The following TRHDE variants were observed in gnomAD, a reference collection of about 807,000 sequenced individuals.
The protein encoded by TRHDE is thyrotropin-releasing hormone-degrading ectoenzyme.
Under a neutral mutation model 125.7 loss-of-function variants are expected in TRHDE, and 72 were observed. That is an observed-to-expected ratio of 0.57 (90% CI 0.47 to 0.70). The LOEUF is 0.70. Among genes scored for constraint, TRHDE ranks in the 30% least tolerant of loss-of-function variants. The pLI is 0.00. For synonymous variants in TRHDE, 509 were observed against 509.1 expected (o/e 1.00, Z 0.00); for missense variants, 1,110 against 1,327.1 (o/e 0.84, Z 2.54).
At chr12:72,138,768 G>C (rs1430214076) in intron 2 of TRHDE, among the ~76,000 whole-genome samples, 1 of 152,216 alleles carries the variant, frequency 6.6e-6, no homozygotes, top group East Asian at 1.9e-4. Flanking sequence ...AGTGCTTGTA[G>C]GTCATCTGGC....
At chr12:72,415,122 G>A (rs760754897) in intron 3 of TRHDE, among the ~76,000 whole-genome samples, 3 of 152,074 alleles carry the variant, frequency 2.0e-5, no homozygotes, top group Non-Finnish European at 2.9e-5. Flanking sequence ...AGCTCTCCAT[G>A]TGATATCATG....
At chr12:72,547,721 C>T (rs887824495) in intron 7 of TRHDE, among the ~76,000 whole-genome samples, 1 of 151,674 alleles carries the variant, frequency 6.6e-6, no homozygotes, top group Non-Finnish European at 1.5e-5. Context: ...TATGTGTTCT[C>T]CCAACCCAGG....
intron 2 of TRHDE, among the ~76,000 whole-genome samples, chr12:72,225,096 C>A (rs1002974353): frequency 6.6e-6 from 1 of 152,072 alleles, no homozygotes; most frequent in Non-Finnish European, 1.5e-5. Flanking sequence ...CTCTTCCTGG[C>A]AAATAATAAT....
chr12:72,648,958 A>G (rs1336220788), intron 15 of TRHDE, among the ~76,000 whole-genome samples: 1 of 152,128 alleles, frequency 6.6e-6, no homozygotes. Flanking sequence ...AATATTTTAA[A>G]ATTGCAATAC....
intron 2 of TRHDE, among the ~76,000 whole-genome samples, chr12:72,352,111 A>G (rs1197314300): frequency 1.3e-5 from 2 of 151,870 alleles, no homozygotes; most frequent in Admixed American, 6.6e-5. Flanking sequence ...CTGCTTAGTC[A>G]TAACAGGGTT....
Position 72,663,368 on chromosome 12 carries a change from GT to G in TRHDE, c.*176del. 2.0e-6 allele frequency: 1 copy of G among 489,574 alleles called. No homozygotes were observed. The highest frequency in any genetic ancestry group is 3.5e-6 in the Non-Finnish European group (1 of 283,500). 30.3% of individuals were successfully genotyped at this position (489,574 alleles called of 1,614,324 possible). The stretch of plus-strand genomic sequence containing the variant: ...TGGTTTTGGGGGATATTTTTTATTT[GT>G]TTCATTCATTCTGTTCTGTTTCTCT... On this transcript the variant is annotated 3_prime_UTR_variant, in exon 19 of 19. Transcript: ENST00000261180.
At chr12:72,271,940 A>G (rs775345206), upstream of TRHDE, 66 of 456,490 alleles carry the variant, frequency 1.4e-4, no homozygotes, top group Middle Eastern at 9.7e-4. Flanking sequence ...GTTTGCCGCC[A>G]CCGCCGCTTA....
Position 72,338,727 on chromosome 12 carries a change from T to C in TRHDE, c.1189-39268T>C, listed in dbSNP as rs144132695. ...ATGAAGATGCTGTTGCTACTGCTGC[T>C]TATGGTGATGTAACTTAAGTCCACG... On this transcript the variant is annotated intron_variant, in intron 2 of 18. Transcript: ENST00000261180. 2.7e-3 allele frequency among the ~76,000 whole-genome samples: 404 copies of C among 152,276 alleles called. 3 individuals are homozygous for C. The highest frequency in any genetic ancestry group is 0.017 in the Middle Eastern group (5 of 294).
rs1364504171 is a variant in TRHDE, at chr12:72,362,523, C to A, written c.1189-15472C>A. On this transcript the variant is annotated intron_variant, in intron 2 of 18. Coordinates refer to ENST00000261180, the MANE Select transcript of TRHDE (RefSeq NM_013381.3). The stretch of plus-strand genomic sequence containing the variant: ...TCCCATTTTGTAGGTTGCCTGTTCA[C>A]TCTGATGGTAGTTTCTTTTGCTGTG... 3.7e-3 allele frequency among the ~76,000 whole-genome samples: 568 copies of A among 152,040 alleles called. 1 individual carries two copies. The highest frequency in any genetic ancestry group is 0.013 in the African/African-American group (529 of 41,488).
chr12:72,349,722 A>T (rs1388969021), intron 2 of TRHDE, among the ~76,000 whole-genome samples: 2 of 152,008 alleles, frequency 1.3e-5, no homozygotes, highest in Admixed American at 6.6e-5. Flanking sequence ...AGACCAAGAC[A>T]TGTGGCCTTG....
intron 2 of TRHDE, among the ~76,000 whole-genome samples, chr12:72,215,961 G>A (rs1211110424): frequency 5.9e-5 from 9 of 152,130 alleles, no homozygotes; most frequent in African/African-American, 2.4e-5. Context: ...GAAAAAGTTG[G>A]GGTATTGTAA....
At chr12:72,307,330 A>ATTTTTTTTTTT (rs11323954) in intron 2 of TRHDE, among the ~76,000 whole-genome samples, 3 of 137,154 alleles carry the variant, frequency 2.2e-5, no homozygotes, top group Non-Finnish European at 3.1e-5. Context: ...ATACCCAGCT[A>ATTTTTTTTTTT]TTTTTTTTTT....
At chr12:72,446,133 G>C (rs973314314) in intron 3 of TRHDE, among the ~76,000 whole-genome samples, 1 of 149,694 alleles carries the variant, frequency 6.7e-6, no homozygotes, top group Admixed American at 6.7e-5. Context: ...TGATGGGTGG[G>C]GCCCGATTGT....
At chr12:72,377,877 G>A (rs941266724) in intron 2 of TRHDE, 118 bp from the exon 3 acceptor site, 4 of 691,350 alleles carry the variant, frequency 5.8e-6, no homozygotes, top group African/African-American at 3.7e-5. Flanking sequence ...GTGTATGAAC[G>A]AGAATCCTGT....
chr12:72,124,997 A>G (rs1455233183), intron 2 of TRHDE, among the ~76,000 whole-genome samples: 1 of 152,176 alleles, frequency 6.6e-6, no homozygotes, highest in African/African-American at 2.4e-5. Flanking sequence ...TTGAGTCATT[A>G]TTGTATTCCT....
chr12:72,404,099 C>T (rs911408252), intron 3 of TRHDE, among the ~76,000 whole-genome samples: 1 of 152,040 alleles, frequency 6.6e-6, no homozygotes, highest in East Asian at 1.9e-4. Context: ...TGTATTAGTC[C>T]GTTTTCAAGC....
intron 12 of TRHDE, among the ~76,000 whole-genome samples, chr12:72,592,366 A>C (rs1402667996): frequency 1.3e-5 from 2 of 150,834 alleles, no homozygotes; most frequent in East Asian, 2.0e-4. Flanking sequence ...CCATGAGTAC[A>C]TGCTTTGTAT....
chr12:72,286,840 A>G lies in TRHDE; in HGVS notation c.1074A>G (p.Glu358=). ...CAGTGGAAACTTCCGTGTTTGAGGA[A>G]GATGGATGGGTTACGGATCACTTTT... ...NMPVETSVFE[E]DGWVTDHFSQ... is the part of the protein sequence containing the mutation. Residue 358 remains glutamate (E), a synonymous_variant, in exon 2 of 19, where the codon GAA becomes GAG. Coordinates refer to ENST00000261180, the MANE Select transcript of TRHDE (RefSeq NM_013381.3). 1.2e-6 allele frequency: 2 copies of G among 1,613,984 alleles called. No homozygotes were observed. The highest frequency in any genetic ancestry group is 1.7e-6 in the Non-Finnish European group (2 of 1,179,992).
intron 2 of TRHDE, among the ~76,000 whole-genome samples, chr12:72,335,498 G>A (rs1869791101): frequency 6.6e-6 from 1 of 152,090 alleles, no homozygotes; most frequent in Non-Finnish European, 1.5e-5. Flanking sequence ...CTGTACTTAG[G>A]TAGGCATATA....
Sources: gnomAD v4.1 joint callset for allele counts (sites outside exome capture counted in the v4.1 genomes callset) on GRCh38, gnomAD v4.1.1 for gene constraint, MANE v1.5 for transcripts, NCBI Gene and HGNC (gene_info 2026-07-23, HGNC 2026-07-21) for gene names.